Variants in CSTF3 observed in about 807,000 individuals in gnomAD.
CSTF3 encodes the protein CF-1 77 kDa subunit.
A neutral mutation model predicts 105.8 loss-of-function variants in CSTF3; 29 were observed. That is an observed-to-expected ratio of 0.27 (90% CI 0.20 to 0.37). The LOEUF (loss-of-function observed/expected upper bound fraction) is 0.37. Ranked by LOEUF, CSTF3 falls within the 10% of genes least tolerant of loss-of-function variation. The pLI is 1.00. For missense variants in CSTF3, 357 were observed against 879.3 expected (o/e 0.41, Z 7.51); for synonymous variants, 252 against 281.9 (o/e 0.89, Z 1.06).
chr11:33,085,062 G>T lies in CSTF3; in HGVS notation c.*25C>A, dbSNP rs758186259. Reference sequence around the variant, plus strand: ...GAGGCAAAAGGAATCCTGGACAGGAGTTTTCTGCAGAGGCGTTTAAAACCC... The same window carrying T: ...GAGGCAAAAGGAATCCTGGACAGGATTTTTCTGCAGAGGCGTTTAAAACCC... On this transcript the variant is annotated 3_prime_UTR_variant, in exon 21 of 21. Transcript: ENST00000323959. The T allele has an allele frequency of 6.2e-7, 1 of 1,613,134 alleles. No individual in the cohort carries two copies. The highest frequency in any genetic ancestry group is 2.2e-5 in the East Asian group (1 of 44,868).
chr11:33,110,453 G>C (rs556746661), intron 3 of CSTF3, among the ~76,000 whole-genome samples: 145 of 152,306 alleles, frequency 9.5e-4, no homozygotes, highest in African/African-American at 3.2e-3. Flanking sequence ...TCTTCTTTGA[G>C]ATTCCCATAG....
intron 3 of CSTF3, among the ~76,000 whole-genome samples, chr11:33,109,450 C>T (rs1565007210): frequency 6.6e-6 from 1 of 152,084 alleles, no homozygotes; most frequent in East Asian, 1.9e-4. Flanking sequence ...TTATCTTGAT[C>T]TTTAGAGTTC....
At chr11:33,137,108 C>CTTA (rs1445821298) in intron 3 of CSTF3, among the ~76,000 whole-genome samples, 1 of 151,664 alleles carries the variant, frequency 6.6e-6, no homozygotes, top group Non-Finnish European at 1.5e-5. Context: ...GAGTTTAAAA[C>CTTA]GTAAGAGTCT....
chr11:33,155,679 T>C (rs1305865036), intron 1 of CSTF3, among the ~76,000 whole-genome samples: 1 of 152,184 alleles, frequency 6.6e-6, no homozygotes, highest in African/African-American at 2.4e-5. Context: ...AGTTGTCCAT[T>C]AATCTAAAGA....
intron 14 of CSTF3, 34 bp downstream of exon 14, chr11:33,096,801 T>C: frequency 6.4e-7 from 1 of 1,568,744 alleles, no homozygotes; most frequent in African/African-American, 1.4e-5. Context: ...TGAAGGAAGT[T>C]GTTTTATCTT....
intron 1 of CSTF3, 60 bp from the exon 2 acceptor site, chr11:33,142,046 T>G (rs1413493371): frequency 1.2e-5 from 20 of 1,604,834 alleles, no homozygotes; most frequent in Middle Eastern, 1.7e-4. Flanking sequence ...ATGCCTAACT[T>G]AATTCATGAA....
intron 8 of CSTF3, among the ~76,000 whole-genome samples, chr11:33,104,342 T>G (rs1185642266): frequency 6.6e-6 from 1 of 152,186 alleles, no homozygotes; most frequent in African/African-American, 2.4e-5. Flanking sequence ...TACGTGACAT[T>G]TAGTATTATA....
chr11:33,111,578 C>T (rs570303819), intron 3 of CSTF3, among the ~76,000 whole-genome samples: 6 of 152,116 alleles, frequency 3.9e-5, no homozygotes, highest in East Asian at 1.9e-4. Flanking sequence ...CAGGGTGATA[C>T]GGGTGGATGC....
intron 1 of CSTF3, among the ~76,000 whole-genome samples, chr11:33,158,653 T>A (rs989571496): frequency 1.3e-5 from 2 of 152,126 alleles, no homozygotes; most frequent in Non-Finnish European, 2.9e-5. Context: ...AACTTAACCA[T>A]CCTAACAGAA....
At chr11:33,153,890 G>A (rs1481998028) in intron 1 of CSTF3, among the ~76,000 whole-genome samples, 6 of 152,042 alleles carry the variant, frequency 3.9e-5, no homozygotes, top group Non-Finnish European at 8.8e-5. Context: ...TTAAGACGAT[G>A]TAAGCTTTTT....
At chr11:33,106,162 T>TG in intron 5 of CSTF3, 98 bp from the exon 6 acceptor site, 1 of 870,654 alleles carries the variant, frequency 1.1e-6, no homozygotes, top group Non-Finnish European at 1.8e-6. Context: ...GTAATCCCAC[T>TG]GCTTTGGGAG....
chr11:33,095,803 C>A (rs1855215575), intron 15 of CSTF3, among the ~76,000 whole-genome samples: 3 of 131,100 alleles, frequency 2.3e-5, no homozygotes, highest in South Asian at 2.8e-4. Flanking sequence ...GCCTGGGCGA[C>A]AGCGAGACTC....
intron 1 of CSTF3, among the ~76,000 whole-genome samples, chr11:33,160,165 G>A (rs1590294111): frequency 6.6e-6 from 1 of 151,530 alleles, no homozygotes. Context: ...TGCATGCTTG[G>A]GCATGCTAAC....
chr11:33,098,884 T>G, intron 12 of CSTF3, 120 bp from the exon 13 acceptor site: 1 of 1,309,012 alleles, frequency 7.6e-7, no homozygotes. Context: ...TGAGCATAAA[T>G]ATAGTATAAG....
At chr11:33,106,221 G>A (rs1377984326) in intron 5 of CSTF3, among the ~76,000 whole-genome samples, 157 bp from the exon 6 acceptor site, 2 of 152,014 alleles carry the variant, frequency 1.3e-5, no homozygotes, top group Non-Finnish European at 2.9e-5. Flanking sequence ...ACCTGCCTGT[G>A]CAACATAGCA....
At chr11:33,125,721 G>A (rs957280676) in intron 3 of CSTF3, among the ~76,000 whole-genome samples, 1 of 152,146 alleles carries the variant, frequency 6.6e-6, no homozygotes, top group Non-Finnish European at 1.5e-5. Flanking sequence ...ACTGTACCTT[G>A]GGCAGGCCTT....
chr11:33,151,259 T>G (rs1468640162), intron 1 of CSTF3, among the ~76,000 whole-genome samples: 1 of 152,128 alleles, frequency 6.6e-6, no homozygotes, highest in African/African-American at 2.4e-5. Context: ...GGCACAATCA[T>G]GGCCCACTGC....
At chr11:33,120,634 G>C (rs944482362) in intron 3 of CSTF3, among the ~76,000 whole-genome samples, 2 of 151,790 alleles carry the variant, frequency 1.3e-5, no homozygotes, top group African/African-American at 4.8e-5. Context: ...GAAAACAAGC[G>C]AGTCAACATA....
chr11:33,099,753 A>T lies in CSTF3; in HGVS notation c.827-36T>A. The stretch of plus-strand genomic sequence containing the variant: ...AAATTAACAAACAATATTCAATTAA[A>T]ATAATTATTATTTGTAAAACTATCA... On this transcript the variant is annotated intron_variant, in intron 10 of 20. Coordinates refer to ENST00000323959, the MANE Select transcript of CSTF3 (RefSeq NM_001326.3). This position sits in a 1 kb window ranked among gnomAD's most constrained non-coding sequence, Gnocchi z 4.1. 7.8e-7 allele frequency: 1 copy of T among 1,284,660 alleles called. No homozygotes were observed. The highest frequency in any genetic ancestry group is 1.1e-6 in the Non-Finnish European group (1 of 924,400). The allele number at this position is 1,284,660 out of a possible 1,614,324, so 79.6% of individuals were successfully genotyped here. A position where few individuals can be genotyped will look rare whatever the true frequency, so the allele number is the denominator to read the frequency against.
Sources: allele counts gnomAD v4.1 joint callset (sites outside exome capture counted in the v4.1 genomes callset), GRCh38; gene constraint gnomAD v4.1.1; non-coding constraint Gnocchi (gnomAD v3.1); transcripts MANE v1.5; gene names NCBI Gene and HGNC (gene_info 2026-07-23, HGNC 2026-07-21).